Variants in UNC5C observed in about 807,000 individuals in gnomAD.
The protein encoded by UNC5C is unc-5 netrin receptor C.
Under a neutral mutation model 99.8 loss-of-function variants are expected in UNC5C, and 47 were observed. The observed-to-expected ratio is 0.47, with a 90% CI of 0.37 to 0.60. UNC5C has a LOEUF of 0.60. Among genes scored for constraint, UNC5C ranks in the 20% least tolerant of loss-of-function variants. UNC5C has a pLI of 0.00. For synonymous variants in UNC5C, 487 were observed against 452.2 expected (o/e 1.08, Z -0.98); for missense variants, 1,062 against 1,165.9 (o/e 0.91, Z 1.30).
intron 1 of UNC5C, among the ~76,000 whole-genome samples, chr4:95,362,093 T>C (rs1186730445): frequency 6.6e-6 from 1 of 152,088 alleles, no homozygotes; most frequent in African/African-American, 2.4e-5. Flanking sequence ...TCACATGTCT[T>C]CTCTGAGCCC....
At chr4:95,373,585 T>C (rs1450331442) in intron 1 of UNC5C, among the ~76,000 whole-genome samples, 1 of 152,164 alleles carries the variant, frequency 6.6e-6, no homozygotes, top group Non-Finnish European at 1.5e-5. Context: ...ATCTGATTCT[T>C]CCTCCCAAAT....
intron 1 of UNC5C, among the ~76,000 whole-genome samples, chr4:95,529,069 A>G (rs1722569577): frequency 6.6e-6 from 1 of 151,356 alleles, no homozygotes; most frequent in Admixed American, 6.6e-5. Context: ...GATTTTATAC[A>G]TTTTATCTGT....
At chr4:95,509,264 C>T (rs1478850181) in intron 1 of UNC5C, among the ~76,000 whole-genome samples, 1 of 151,638 alleles carries the variant, frequency 6.6e-6, no homozygotes, top group Non-Finnish European at 1.5e-5. Flanking sequence ...TTCAATATAA[C>T]TATTAATGTT....
chr4:95,426,448 T>G (rs556628178), intron 1 of UNC5C, among the ~76,000 whole-genome samples: 69 of 152,230 alleles, frequency 4.5e-4, no homozygotes, highest in Non-Finnish European at 8.7e-4. Flanking sequence ...GACCTCTAAG[T>G]GTTCAAGTGA....
chr4:95,349,386 C>CCACA (rs150864607), intron 1 of UNC5C, among the ~76,000 whole-genome samples: 18,496 of 124,150 alleles, frequency 0.15, 1,557 homozygotes, highest in Admixed American at 0.2. Context: ...ACACACACAC[C>CCACA]CACACACACA....
chr4:95,191,435 A>G (rs1181858340), intron 12 of UNC5C, among the ~76,000 whole-genome samples: 1 of 152,130 alleles, frequency 6.6e-6, no homozygotes, highest in African/African-American at 2.4e-5. Context: ...AGCCCTGCAC[A>G]GTGGTGATTT....
intron 1 of UNC5C, among the ~76,000 whole-genome samples, chr4:95,351,244 G>C (rs144717348): frequency 1.9e-3 from 288 of 152,030 alleles, no homozygotes; most frequent in African/African-American, 6.6e-3. Context: ...CATGTTCAGA[G>C]GGTGAAGGGC....
intron 7 of UNC5C, among the ~76,000 whole-genome samples, chr4:95,242,113 G>C (rs1177796517): frequency 6.6e-6 from 1 of 152,140 alleles, no homozygotes; most frequent in African/African-American, 2.4e-5. Flanking sequence ...TTTTGACTCT[G>C]TGAGGAGTTT....
intron 1 of UNC5C, among the ~76,000 whole-genome samples, chr4:95,352,010 A>C (rs1187405400): frequency 6.6e-6 from 1 of 152,016 alleles, no homozygotes; most frequent in Non-Finnish European, 1.5e-5. Flanking sequence ...CTGCCTGGAT[A>C]CAGTCAGATA....
At chr4:95,353,718 CTT>C (rs1028195546) in intron 1 of UNC5C, among the ~76,000 whole-genome samples, 1 of 151,576 alleles carries the variant, frequency 6.6e-6, no homozygotes, top group African/African-American at 2.4e-5. Flanking sequence ...AAAAAGAAAA[CTT>C]AGTTGATGTG....
chr4:95,354,551 C>T (rs1415105786), intron 1 of UNC5C, among the ~76,000 whole-genome samples: 1 of 147,942 alleles, frequency 6.8e-6, no homozygotes, highest in African/African-American at 2.5e-5. Context: ...GCAATAATGG[C>T]TCACTGTAAC....
intron 1 of UNC5C, among the ~76,000 whole-genome samples, chr4:95,466,123 T>C (rs1411271153): frequency 6.6e-6 from 1 of 152,214 alleles, no homozygotes; most frequent in Non-Finnish European, 1.5e-5. Context: ...CAAGTAAGTA[T>C]GACAATGTAT....
intron 1 of UNC5C, among the ~76,000 whole-genome samples, chr4:95,502,182 TG>T (rs1243221789): frequency 1.3e-5 from 2 of 152,318 alleles, no homozygotes; most frequent in African/African-American, 4.8e-5. Context: ...TGTGATTGGT[TG>T]CAACAATGGA....
chr4:95,418,355 T>G (rs2149454992), intron 1 of UNC5C, among the ~76,000 whole-genome samples: 1 of 152,192 alleles, frequency 6.6e-6, no homozygotes, highest in Admixed American at 6.5e-5. Flanking sequence ...TGACAAGAGG[T>G]TTTTCACTTT....
In UNC5C at chr4:95,256,699, A is replaced by ATATATATATAT. The variant is rs1553958327; in HGVS notation, c.595-6033_595-6032insATATATATATA. 5.0e-4 allele frequency among the ~76,000 whole-genome samples: 45 copies of ATATATATATAT among 90,682 alleles called. 1 individual carries two copies. The highest frequency in any genetic ancestry group is 1.5e-3 in the African/African-American group (43 of 27,798). The allele number at this position is 90,682 out of a possible 152,430, so 59.5% of individuals were successfully genotyped here. ...TTGTCTAGAGGGACAGAACTAAATA[A>ATATATATATAT]ATATATATATATATATATATATGAG... On this transcript the variant is annotated intron_variant, in intron 4 of 15. Coordinates refer to ENST00000453304, the MANE Select transcript of UNC5C (RefSeq NM_003728.4).
At chr4:95,209,320 C>T (rs1189889650) in intron 10 of UNC5C, among the ~76,000 whole-genome samples, 1 of 152,160 alleles carries the variant, frequency 6.6e-6, no homozygotes, top group Non-Finnish European at 1.5e-5. Flanking sequence ...AACTTGGTAG[C>T]TCACAAGTAA....
Position 95,235,696 on chromosome 4 carries a change from A to C in UNC5C, c.1108+6733T>G, listed in dbSNP as rs180938655. ...GGAAGGGATCCAGTTTCAGCTTTCT[A>C]CATATGGCTAGCCAGTTTTCCCAGC... is the stretch of plus-strand genomic sequence containing the variant. On this transcript the variant is annotated intron_variant, in intron 7 of 15. Transcript: ENST00000453304. Among the ~76,000 whole-genome samples, 926 of 152,312 alleles carry C rather than the reference A, an allele frequency of 6.1e-3. 12 individuals carry two copies. The highest frequency in any genetic ancestry group is 0.021 in the African/African-American group (877 of 41,558).
At chr4:95,253,094 C>T (rs1739804538) in intron 4 of UNC5C, among the ~76,000 whole-genome samples, 1 of 152,102 alleles carries the variant, frequency 6.6e-6, no homozygotes, top group South Asian at 2.1e-4. Context: ...AAGGAACATT[C>T]AACCTGTACT....
chr4:95,360,176 A>G (rs1358499499), intron 1 of UNC5C, among the ~76,000 whole-genome samples: 1 of 152,220 alleles, frequency 6.6e-6, no homozygotes, highest in African/African-American at 2.4e-5. Context: ...ATACGTTTAT[A>G]CATGCTATAT....
Sources: allele counts gnomAD v4.1 joint callset (sites outside exome capture counted in the v4.1 genomes callset), GRCh38; gene constraint gnomAD v4.1.1; transcripts MANE v1.5; gene names NCBI Gene and HGNC (gene_info 2026-07-23, HGNC 2026-07-21).